CDH18: variants seen among roughly 807,000 people sequenced by gnomAD.
CDH18 encodes the protein cadherin 18, also known as cadherin-18.
In CDH18, 31 loss-of-function variants were observed where a neutral mutation model predicts 67.9. The observed-to-expected ratio is 0.46, with a 90% CI of 0.34 to 0.62. CDH18 has a LOEUF of 0.62. Among genes scored for constraint, CDH18 ranks in the 20% least tolerant of loss-of-function variants. CDH18 has a pLI of 0.01. For missense variants in CDH18, 890 were observed against 975.5 expected, an observed-to-expected ratio of 0.91 and a Z score of 1.17; for synonymous variants, 362 against 347.2, an observed-to-expected ratio of 1.04 and a Z score of -0.48.
chr5:20,466,475 T>G (rs930021557), intron 1 of CDH18, among the ~76,000 whole-genome samples: 1 of 152,136 alleles, frequency 6.6e-6, no homozygotes, highest in African/African-American at 2.4e-5. Context: ...CACACAATTA[T>G]GTCTCAGATA....
intron 5 of CDH18, among the ~76,000 whole-genome samples, chr5:19,651,004 A>G (rs1755492965): frequency 6.6e-6 from 1 of 152,058 alleles, no homozygotes; most frequent in Admixed American, 6.6e-5. Flanking sequence ...GTAGACAAAA[A>G]AGAGTACATT....
At chr5:20,165,730 A>AT (rs1053493482) in intron 2 of CDH18, among the ~76,000 whole-genome samples, 17 of 152,002 alleles carry the variant, frequency 1.1e-4, no homozygotes, top group East Asian at 1.9e-4. Context: ...TGTTTTATTT[A>AT]TTTTTTTGGC....
At chr5:19,829,637 C>T (rs1780805074) in intron 3 of CDH18, among the ~76,000 whole-genome samples, 1 of 152,146 alleles carries the variant, frequency 6.6e-6, no homozygotes, top group African/African-American at 2.4e-5. Flanking sequence ...GCCATACTGC[C>T]CAAAGCAGTT....
At chr5:20,169,833 C>T (rs557047710) in intron 2 of CDH18, among the ~76,000 whole-genome samples, 3 of 151,966 alleles carry the variant, frequency 2.0e-5, no homozygotes, top group African/African-American at 4.8e-5. Flanking sequence ...TTTTTATATT[C>T]GGAAGAATTG....
intron 10 of CDH18, among the ~76,000 whole-genome samples, chr5:19,512,219 T>G (rs887637275): frequency 6.6e-6 from 1 of 152,194 alleles, no homozygotes; most frequent in Non-Finnish European, 1.5e-5. Flanking sequence ...ATTATGAGAA[T>G]ATACTTTAAC....
At chr5:19,510,151 T>C (rs1405624306) in intron 10 of CDH18, among the ~76,000 whole-genome samples, 1 of 152,178 alleles carries the variant, frequency 6.6e-6, no homozygotes, top group Non-Finnish European at 1.5e-5. Context: ...TTCAGAAAAC[T>C]GATTTCGCCA....
At chr5:19,628,794 T>C (rs778857053) in intron 5 of CDH18, among the ~76,000 whole-genome samples, 23 of 152,106 alleles carry the variant, frequency 1.5e-4, no homozygotes, top group Non-Finnish European at 2.9e-4. Flanking sequence ...AAGATACTAC[T>C]TAAAGCCCTT....
intron 1 of CDH18, among the ~76,000 whole-genome samples, chr5:20,446,561 G>C (rs769429776): frequency 6.6e-6 from 1 of 152,098 alleles, no homozygotes; most frequent in Non-Finnish European, 1.5e-5. Flanking sequence ...AGAGAATCCT[G>C]TGCAGCCTTT....
chr5:20,039,447 T>C (rs2150468934), intron 2 of CDH18, among the ~76,000 whole-genome samples: 1 of 152,216 alleles, frequency 6.6e-6, no homozygotes, highest in East Asian at 1.9e-4. Flanking sequence ...CTTCAAACTA[T>C]ACTACAAGGC....
Position 20,441,900 on chromosome 5 carries a change from G to C in CDH18, c.-580+133562C>G, listed in dbSNP as rs146288150. On this transcript the variant is annotated intron_variant, in intron 1 of 14. Coordinates refer to the CDH18 transcript ENST00000507958. Reference sequence around the variant, plus strand: ...ATTATGTGCATAACACCAATAAAATGATTATTAAAAATAATGTCTTATGTG... The same window carrying C: ...ATTATGTGCATAACACCAATAAAATCATTATTAAAAATAATGTCTTATGTG... Among the ~76,000 whole-genome samples the C allele has an allele frequency of 1.3e-3, 199 of 151,752 alleles. 2 individuals carry two copies. The highest frequency in any genetic ancestry group is 4.8e-3 in the African/African-American group (197 of 41,158).
intron 1 of CDH18, among the ~76,000 whole-genome samples, chr5:20,501,913 C>T (rs1754358879): frequency 6.6e-6 from 1 of 151,500 alleles, no homozygotes; most frequent in African/African-American, 2.4e-5. Flanking sequence ...CACACACACA[C>T]ACACATTTTA....
chr5:20,354,192 T>C (rs1196532884), intron 1 of CDH18, among the ~76,000 whole-genome samples: 1 of 152,228 alleles, frequency 6.6e-6, no homozygotes, highest in Non-Finnish European at 1.5e-5. Context: ...TTCTAAAATG[T>C]AAGATAAAAG....
At position 20,546,744 on chromosome 5, in the gene CDH18, T is replaced by TACACAC. The variant is rs1321490632; in HGVS notation, c.-580+28717_-580+28718insGTGTGT. Among the ~76,000 whole-genome samples the TACACAC allele has an allele frequency of 1.1e-4, 8 of 71,956 alleles. No homozygotes were observed. The South Asian group carries it at 4.1e-3, about 37-fold the overall frequency. 47.2% of individuals were successfully genotyped at this position (71,956 alleles called of 152,430 possible). On this transcript the variant is annotated intron_variant, in intron 1 of 14. Coordinates refer to the CDH18 transcript ENST00000507958. ...ACAGAGTCAAACCATATCACATACA[T>TACACAC]ACATAGACACACACACACACACACA...
intron 2 of CDH18, among the ~76,000 whole-genome samples, chr5:20,034,752 T>C (rs1739695392): frequency 6.6e-6 from 1 of 152,032 alleles, no homozygotes; most frequent in Admixed American, 6.6e-5. Flanking sequence ...TACTCAACCT[T>C]CATAATTGTA....
chr5:20,445,639 G>A (rs946822770), intron 1 of CDH18, among the ~76,000 whole-genome samples: 5 of 152,186 alleles, frequency 3.3e-5, no homozygotes, highest in African/African-American at 1.2e-4. Context: ...TGGGGAAGAA[G>A]TGCTTACTTG....
Position 20,172,204 on chromosome 5 carries a change from A to ACG in CDH18, c.-518+83239_-518+83240insCG, listed in dbSNP as rs1287178218. ...TAGCATTGTGTGTATATATATATAT[A>ACG]TATATATATATATATATATGTATAT... is the stretch of plus-strand genomic sequence containing the variant. On this transcript the variant is annotated intron_variant, in intron 2 of 14. Coordinates refer to the CDH18 transcript ENST00000507958. Among the ~76,000 whole-genome samples the ACG allele has an allele frequency of 2.3e-4, 14 of 60,290 alleles. 1 individual carries two copies. The highest frequency in any genetic ancestry group is 5.7e-4 in the South Asian group (1 of 1,766). The allele number at this position is 60,290 out of a possible 152,430, so 39.6% of individuals were successfully genotyped here.
intron 3 of CDH18, among the ~76,000 whole-genome samples, chr5:19,755,456 T>C (rs1771452987): frequency 1.7e-4 from 3 of 17,546 alleles, no homozygotes; most frequent in African/African-American, 2.5e-4. Context: ...TATATATATA[T>C]ATACACACAC....
intron 2 of CDH18, among the ~76,000 whole-genome samples, chr5:20,114,954 C>T (rs1403538131): frequency 6.6e-6 from 1 of 152,070 alleles, no homozygotes; most frequent in Non-Finnish European, 1.5e-5. Context: ...GGGTAGGTCT[C>T]TAGGATAAGA....
intron 1 of CDH18, among the ~76,000 whole-genome samples, chr5:20,562,154 T>C (rs1377968051): frequency 6.6e-6 from 1 of 151,846 alleles, no homozygotes; most frequent in Non-Finnish European, 1.5e-5. Context: ...ACTTTACACA[T>C]TCACAAATCC....
Sources: gnomAD v4.1 joint callset for allele counts (sites outside exome capture counted in the v4.1 genomes callset) on GRCh38, gnomAD v4.1.1 for gene constraint, MANE v1.5 for transcripts, NCBI Gene and HGNC (gene_info 2026-07-23, HGNC 2026-07-21) for gene names.